The following NETO2 variants were observed in gnomAD, a reference collection of about 807,000 sequenced individuals.
NETO2 encodes the protein neuropilin and tolloid like 2.
NETO2 carries 28 observed loss-of-function variants against 62.5 expected under a neutral mutation model. That is an observed-to-expected ratio of 0.45 (90% CI 0.33 to 0.61). The LOEUF is 0.61. Among genes scored for constraint, NETO2 ranks in the 20% least tolerant of loss-of-function variants. The pLI, the probability that NETO2 is intolerant of heterozygous loss-of-function variation, is 0.02. For missense variants in NETO2, 548 were observed against 643.2 expected (o/e 0.85, Z 1.60); for synonymous variants, 214 against 219.1 (o/e 0.98, Z 0.21).
chr16:47,083,403 C>T lies in NETO2; in HGVS notation c.1396G>A (p.Ala466Thr), dbSNP rs1963111951. 1 of 1,614,038 alleles carries T rather than the reference C, an allele frequency of 6.2e-7. No individual in the cohort carries two copies. Among genetic ancestry groups the T allele is most frequent in the Non-Finnish European group, 8.5e-7 (1 of 1,180,032 alleles). ...SMELPFRNDF[A>T]QPQPMKTFNS... The stretch of plus-strand genomic sequence containing the variant: ...AATGTTTTCATTGGCTGTGGTTGTG[C>T]AAAGTCATTTCGGAAAGGAAGTTCC... Residue 466 changes from alanine (A) to threonine (T), a missense_variant, in exon 9 of 9, where the codon GCA (alanine) becomes ACA (threonine). Coordinates refer to ENST00000562435, the MANE Select transcript of NETO2 (RefSeq NM_018092.5).
At chr16:47,106,586 T>C (rs575923312) in intron 7 of NETO2, among the ~76,000 whole-genome samples, 2 of 152,330 alleles carry the variant, frequency 1.3e-5, no homozygotes, top group Non-Finnish European at 2.9e-5. Flanking sequence ...CCTGAAGATA[T>C]GTCTCTAACA....
At chr16:47,105,289 G>T (rs1963649672) in intron 7 of NETO2, among the ~76,000 whole-genome samples, 2 of 152,088 alleles carry the variant, frequency 1.3e-5, no homozygotes, top group Admixed American at 1.3e-4. Context: ...ATATCCACAT[G>T]AAAAAGAATG....
At chr16:47,089,734 A>T (rs1370798163) in intron 7 of NETO2, among the ~76,000 whole-genome samples, 1 of 152,214 alleles carries the variant, frequency 6.6e-6, no homozygotes, top group East Asian at 1.9e-4. Context: ...AATTAGCTAC[A>T]AAATTAGCTA....
chr16:47,117,804 T>C (rs1320702414), intron 6 of NETO2, among the ~76,000 whole-genome samples: 3 of 152,198 alleles, frequency 2.0e-5, no homozygotes, highest in Non-Finnish European at 4.4e-5. Context: ...TTGATAATTC[T>C]GGCTGGGCAG....
chr16:47,101,130 T>C (rs1006490007), intron 7 of NETO2, among the ~76,000 whole-genome samples: 1 of 152,224 alleles, frequency 6.6e-6, no homozygotes, highest in Admixed American at 6.5e-5. Context: ...ATCCCTCGGA[T>C]GCAAGGCTGG....
At chr16:47,086,477 A>G in intron 7 of NETO2, 138 bp from the exon 8 acceptor site, 1 of 613,944 alleles carries the variant, frequency 1.6e-6, no homozygotes, top group Non-Finnish European at 2.9e-6. Context: ...TATTCAAACA[A>G]TAAGACAAAC....
chr16:47,121,518 G>A (rs746853793), intron 6 of NETO2, among the ~76,000 whole-genome samples: 4 of 152,224 alleles, frequency 2.6e-5, no homozygotes, highest in South Asian at 4.2e-4. Flanking sequence ...AAAGCTAGGG[G>A]GGACCCCAGC....
At position 47,143,818 on chromosome 16, in the gene NETO2, G is replaced by A; in HGVS notation, c.-206C>T. On this transcript the variant is annotated 5_prime_UTR_variant, in exon 1 of 9. Transcript: ENST00000562435. ...GGCTCCCGCGCGGCCCGAGCACCCC[G>A]ACGGGCGCCGCCTCCTGCTCCGCGG... is the stretch of plus-strand genomic sequence containing the variant. 1.8e-6 allele frequency: 1 copy of A among 565,296 alleles called. No individual in the cohort carries two copies. Among genetic ancestry groups the A allele is most frequent in the Non-Finnish European group, 2.5e-6 (1 of 398,306 alleles). 35.0% of individuals were successfully genotyped at this position (565,296 alleles called of 1,614,324 possible).
intron 1 of NETO2, among the ~76,000 whole-genome samples, chr16:47,140,747 T>C (rs553024429): frequency 6.6e-6 from 1 of 152,334 alleles, no homozygotes; most frequent in South Asian, 2.1e-4. Context: ...AACTAGTTTA[T>C]AGTCCTGGGT....
chr16:47,131,135 T>A (rs1382022687), intron 2 of NETO2, among the ~76,000 whole-genome samples: 1 of 150,628 alleles, frequency 6.6e-6, no homozygotes, highest in African/African-American at 2.4e-5. Context: ...TTAATGTAAA[T>A]CCTGAATACT....
At chr16:47,126,142 G>A (rs181645555) in intron 4 of NETO2, among the ~76,000 whole-genome samples, 1 of 152,240 alleles carries the variant, frequency 6.6e-6, no homozygotes, top group African/African-American at 2.4e-5. Flanking sequence ...TCCATGTTGT[G>A]GCATGTATTA....
chr16:47,103,640 AATT>A (rs1963605601), intron 7 of NETO2, among the ~76,000 whole-genome samples: 1 of 152,146 alleles, frequency 6.6e-6, no homozygotes, highest in South Asian at 2.1e-4. Flanking sequence ...TCCTCAAGAA[AATT>A]ATTACTTCAG....
At chr16:47,106,685 G>C (rs1034324653) in intron 7 of NETO2, among the ~76,000 whole-genome samples, 6 of 151,966 alleles carry the variant, frequency 3.9e-5, no homozygotes, top group African/African-American at 9.7e-5. Flanking sequence ...ACCATAAGTA[G>C]AAGATAAAAT....
chr16:47,131,114 G>T (rs770136527), intron 2 of NETO2, among the ~76,000 whole-genome samples: 8 of 151,566 alleles, frequency 5.3e-5, no homozygotes, highest in Non-Finnish European at 4.4e-5. Flanking sequence ...AAATTCAGCT[G>T]AATGAGTGAC....
intron 1 of NETO2, among the ~76,000 whole-genome samples, chr16:47,133,751 G>GTA (rs1338803535): frequency 1.3e-5 from 2 of 152,176 alleles, no homozygotes; most frequent in African/African-American, 4.8e-5. Flanking sequence ...GGCTACAGCA[G>GTA]TATAGTAGGT....
intron 7 of NETO2, among the ~76,000 whole-genome samples, chr16:47,091,504 T>C (rs1963312706): frequency 6.6e-6 from 1 of 152,084 alleles, no homozygotes. Flanking sequence ...AAGAAATTGG[T>C]GGAATTAATT....
chr16:47,139,744 G>A (rs1323936655), intron 1 of NETO2, among the ~76,000 whole-genome samples: 1 of 152,232 alleles, frequency 6.6e-6, no homozygotes, highest in African/African-American at 2.4e-5. Flanking sequence ...CTAATGACAT[G>A]CCAATCACTT....
At chr16:47,087,314 G>A (rs1219458067) in intron 7 of NETO2, among the ~76,000 whole-genome samples, 2 of 152,132 alleles carry the variant, frequency 1.3e-5, no homozygotes, top group African/African-American at 4.8e-5. Context: ...GTGAGCCACC[G>A]TGCCCAGCCC....
chr16:47,098,585 C>G (rs1380115879), intron 7 of NETO2, among the ~76,000 whole-genome samples: 1 of 152,132 alleles, frequency 6.6e-6, no homozygotes, highest in Non-Finnish European at 1.5e-5. Flanking sequence ...GAGAATGGAA[C>G]CAAGGTGGAA....
Sources: gnomAD v4.1 joint callset for allele counts (sites outside exome capture counted in the v4.1 genomes callset) on GRCh38, gnomAD v4.1.1 for gene constraint, MANE v1.5 for transcripts, NCBI Gene and HGNC (gene_info 2026-07-23, HGNC 2026-07-21) for gene names.